Variants in NLRP1 observed in about 807,000 individuals in gnomAD.
The protein encoded by NLRP1 is NACHT, LRR and PYD domains-containing protein 1.
NLRP1 carries 94 observed loss-of-function variants against 136.7 expected under a neutral mutation model. The observed-to-expected ratio is 0.69, with a 90% confidence interval of 0.58 to 0.82. The LOEUF (loss-of-function observed/expected upper bound fraction) is 0.82, where lower values mean the gene tolerates loss of function less well. Among genes scored for constraint, NLRP1 ranks in the 40% least tolerant of loss-of-function variants. The pLI is 0.00. For synonymous variants in NLRP1, 690 were observed against 725.1 expected (o/e 0.95, Z 0.78); for missense variants, 1,575 against 1,802.7 (o/e 0.87, Z 2.29).
downstream of NLRP1, among the ~76,000 whole-genome samples, chr17:5,513,259 T>C (rs1447691982): frequency 2.0e-5 from 3 of 152,196 alleles, no homozygotes; most frequent in Non-Finnish European, 4.4e-5. Flanking sequence ...CTCTTATTTT[T>C]TTCTTTCTTA....
intron 3 of NLRP1, among the ~76,000 whole-genome samples, chr17:5,560,989 C>T (rs1914671206): frequency 6.6e-6 from 1 of 152,234 alleles, no homozygotes; most frequent in Admixed American, 6.5e-5. Context: ...CAGTTACAAC[C>T]TCTTCTGTTC....
chr17:5,583,936 G>A lies in NLRP1; in HGVS notation c.22C>T (p.Arg8Cys), dbSNP rs771011373. 3.7e-6 allele frequency: 6 copies of A among 1,609,416 alleles called. No individual in the cohort carries two copies. The highest frequency in any genetic ancestry group is 1.7e-5 in the Admixed American group (1 of 59,574). Residue 8 changes from arginine (R) to cysteine (C), a missense_variant, in exon 1 of 17, where the codon CGC (arginine) becomes TGC (cysteine). Physicochemically the swap from Arg to Cys is radical, Grantham distance 180. Transcript: ENST00000572272. The surrounding 1 kb of genome is among the most constrained non-coding windows in gnomAD (Gnocchi z 4.5). ...AGGAACTCCAAGTAACAGGCCAGGCGGCCCCAGGCTCCGCCAGCCATCTCT... is the reference window on the plus strand; with the variant it reads ...AGGAACTCCAAGTAACAGGCCAGGCAGCCCCAGGCTCCGCCAGCCATCTCT... MAGGAWG[R>C]LACYLEFLKK... is the part of the protein sequence containing the mutation.
chr17:5,571,890 C>G (rs907242480), intron 3 of NLRP1, among the ~76,000 whole-genome samples: 16 of 152,244 alleles, frequency 1.1e-4, no homozygotes, highest in African/African-American at 3.9e-4. Context: ...GCTACTGGTA[C>G]AAAAACAGAC....
At position 5,537,792 on chromosome 17, in the gene NLRP1, C is replaced by T. The variant is rs1307836934; in HGVS notation, c.2871-852G>A. ...TCTAGAGAGCAAACCCCCTCAGAAGCAGCCCAGGTTTGACAGGTAAGTGTT... is the reference window on the plus strand; with the variant it reads ...TCTAGAGAGCAAACCCCCTCAGAAGTAGCCCAGGTTTGACAGGTAAGTGTT... On this transcript the variant is annotated intron_variant, in intron 7 of 16. Transcript: ENST00000572272. This position sits in a 1 kb window ranked among gnomAD's most constrained non-coding sequence, Gnocchi z 4.5. Among the ~76,000 whole-genome samples, 1 of 152,216 alleles carries T rather than the reference C, an allele frequency of 6.6e-6. No homozygotes were observed. Among genetic ancestry groups the T allele is most frequent in the African/African-American group, 2.4e-5 (1 of 41,442 alleles).
rs199687052 is a variant in NLRP1, at chr17:5,517,829, A to G, written c.3974T>C (p.Val1325Ala). The G allele has an allele frequency of 1.2e-6, 2 of 1,614,012 alleles. No individual in the cohort carries two copies. The highest frequency in any genetic ancestry group is 1.3e-5 in the African/African-American group (1 of 74,930). The change falls in exon 15 of 17, where the codon GTT becomes GCT. Residue 1325 changes from valine (V) to alanine (A), a missense_variant. Transcript: ENST00000572272. The part of the protein sequence containing the change: ...GEDQLFSEFY[V>A]GHLGSGIRLQ... ...CCTGATCCCTGATCCCAAGTGGCCA[A>G]CGTAGAACTCCGAGAACAGCTGGTC...
chr17:5,512,336 C>G (rs1328881294), downstream of NLRP1: 15 of 1,351,470 alleles, frequency 1.1e-5, no homozygotes, highest in Non-Finnish European at 1.5e-5. Flanking sequence ...GGCGGGTCTA[C>G]TTTAGCCTTA....
intron 5 of NLRP1, among the ~76,000 whole-genome samples, chr17:5,542,898 C>T (rs1178292745): frequency 1.3e-5 from 2 of 151,852 alleles, no homozygotes; most frequent in East Asian, 3.9e-4. Flanking sequence ...GGCGTGATCT[C>T]GGCTCACTGC....
chr17:5,532,977 G>A lies in NLRP1; in HGVS notation c.3141C>T (p.Ser1047=). Residue 1047 remains serine (S), a synonymous_variant, in exon 11 of 17, where the codon AGC becomes AGT. Transcript: ENST00000572272. ...IFPIAEIAEE[S]SPEVVPVELL... ...GTTCCACCGGTACTACCTCTGGGGA[G>A]CTTTCCTCTGAAACAGCAAGGCAGC... The A allele has an allele frequency of 6.2e-7, 1 of 1,611,444 alleles. No individual in the cohort carries two copies. The highest frequency in any genetic ancestry group is 8.5e-7 in the Non-Finnish European group (1 of 1,178,972).
chr17:5,563,945 T>G (rs1915035183), intron 3 of NLRP1, among the ~76,000 whole-genome samples: 1 of 152,206 alleles, frequency 6.6e-6, no homozygotes, highest in Non-Finnish European at 1.5e-5. Flanking sequence ...AGTGAACTTT[T>G]CAGCAGAAGC....
At chr17:5,551,834 A>C (rs1053618963) in intron 5 of NLRP1, among the ~76,000 whole-genome samples, 2 of 152,208 alleles carry the variant, frequency 1.3e-5, no homozygotes, top group African/African-American at 2.4e-5. Context: ...CAATGGCATA[A>C]TCACAGCTCA....
At chr17:5,536,814 C>A in intron 8 of NLRP1, 37 bp downstream of exon 8, 1 of 1,483,060 alleles carries the variant, frequency 6.7e-7, no homozygotes, top group Non-Finnish European at 9.4e-7. Flanking sequence ...AGCCCTGGGC[C>A]TGGGTCAGCC....
chr17:5,501,839 C>T (rs1657100859), exon 16 of NLRP1: 1 of 1,614,002 alleles, frequency 6.2e-7, no homozygotes, highest in Non-Finnish European at 8.5e-7. Context: ...GTCTCTGTTG[C>T]ACCTGAGGTT....
Position 5,583,998 on chromosome 17 carries a change from A to T in NLRP1, c.-41T>A. ...AAGAGGGTGTCTGGGGGATGTTCCC[A>T]GGTGGTGAGGGTATCAGGCAGGCAG... On this transcript the variant is annotated 5_prime_UTR_variant, in exon 1 of 17. Coordinates refer to ENST00000572272, the MANE Select transcript of NLRP1 (RefSeq NM_033004.4). This position sits in a 1 kb window ranked among gnomAD's most constrained non-coding sequence, Gnocchi z 4.5. The T allele has an allele frequency of 6.3e-7, 1 of 1,583,724 alleles. No individual in the cohort carries two copies. The highest frequency in any genetic ancestry group is 8.6e-7 in the Non-Finnish European group (1 of 1,163,442).
At chr17:5,560,327 G>A (rs1278975976) in intron 3 of NLRP1, among the ~76,000 whole-genome samples, 7 of 152,202 alleles carry the variant, frequency 4.6e-5, no homozygotes. Flanking sequence ...GGGATAAAGA[G>A]TGAACAAAAC....
chr17:5,536,137 A>C (rs1911029466), intron 8 of NLRP1, among the ~76,000 whole-genome samples: 1 of 150,200 alleles, frequency 6.7e-6, no homozygotes, highest in Non-Finnish European at 1.5e-5. Flanking sequence ...CCACCCACTG[A>C]CTTTTTCTTG....
At position 5,558,766 on chromosome 17, in the gene NLRP1, C is replaced by G; in HGVS notation, c.1930G>C (p.Gly644Arg). The stretch of plus-strand genomic sequence containing the variant: ...TCTATGATGCAATTAGAATGTTTAC[C>G]TCTCCCCTTCTCATCCTCCAAGACA... ...SYVLEDEKGR[G>R]KHSNCIIDLE... The change falls in exon 4 of 17, where the codon GGT (glycine) becomes CGT (arginine). Residue 644 changes from glycine to arginine, a missense_variant. Physicochemically the swap from Gly to Arg is moderately radical, Grantham distance 125 (BLOSUM62 -2). Transcript: ENST00000572272. 5 of 1,614,132 alleles carry G rather than the reference C, an allele frequency of 3.1e-6. No homozygotes were observed. In the African/African-American group the frequency reaches 4.0e-5, roughly 13 times the overall value.
chr17:5,581,849 A>G lies in NLRP1; in HGVS notation c.652+10T>C. On this transcript the variant is annotated intron_variant, in intron 3 of 16. Coordinates refer to ENST00000572272, the MANE Select transcript of NLRP1 (RefSeq NM_033004.4). ...CTCACCACCCCGCCAGGAGCTCAGT[A>G]GGGTCTCACCTGTGTAGTAAATTCC... 1 of 1,607,686 alleles carries G rather than the reference A, an allele frequency of 6.2e-7. No homozygotes were observed. The highest frequency in any genetic ancestry group is 8.5e-7 in the Non-Finnish European group (1 of 1,175,846).
In NLRP1 at chr17:5,559,799, G is replaced by C. The variant is rs1284957637; in HGVS notation, c.897C>G (p.Ser299Arg). 7 of 1,614,278 alleles carry C rather than the reference G, an allele frequency of 4.3e-6. No individual in the cohort carries two copies. Among genetic ancestry groups the C allele is most frequent in the South Asian group, 3.3e-5 (3 of 91,092 alleles). ...PRSQDPLVKR[S>R]WPDYVEENRG... is the part of the protein sequence containing the mutation. ...GATTCTCCTCCACATAATCAGGCCA[G>C]CTTCTCTTGACCAGGGGATCTTGGC... is the stretch of plus-strand genomic sequence containing the variant. Residue 299 changes from serine (S) to arginine (R), a missense_variant, in exon 4 of 17, where the codon AGC becomes AGG. Physicochemically the swap from Ser to Arg is moderately radical, Grantham distance 110 (BLOSUM62 -1). Transcript: ENST00000572272.
intron 10 of NLRP1, 147 bp from the exon 11 acceptor site, chr17:5,533,131 G>T: frequency 7.0e-7 from 1 of 1,433,636 alleles, no homozygotes; most frequent in Non-Finnish European, 9.3e-7. Context: ...CCTGCTCCAT[G>T]GCTGCCTGCC....
Sources: gnomAD v4.1 joint callset for allele counts (sites outside exome capture counted in the v4.1 genomes callset) on GRCh38, gnomAD v4.1.1 for gene constraint, Gnocchi (gnomAD v3.1) non-coding constraint, MANE v1.5 for transcripts, NCBI Gene and HGNC (gene_info 2026-07-23, HGNC 2026-07-21) for gene names.